Variants in CNTN4 observed in about 807,000 individuals in gnomAD.
CNTN4 encodes the protein contactin-4.
A neutral mutation model predicts 122.5 loss-of-function variants in CNTN4; 77 were observed. The observed-to-expected ratio is 0.63, with a 90% CI of 0.52 to 0.76. CNTN4 has a LOEUF of 0.76. Among genes scored for constraint, CNTN4 ranks in the 30% least tolerant of loss-of-function variants. CNTN4 has a pLI of 0.00. For synonymous variants in CNTN4, 512 were observed against 447.0 expected (o/e 1.15, Z -1.83); for missense variants, 1,256 against 1,259.1 (o/e 1.00, Z 0.04).
At chr3:2,844,443 G>A (rs1275476727) in intron 7 of CNTN4, among the ~76,000 whole-genome samples, 9 of 152,158 alleles carry the variant, frequency 5.9e-5, no homozygotes, top group Admixed American at 5.2e-4. Context: ...CTGCTTTGGG[G>A]TTTGCCTTCT....
chr3:2,704,665 C>G (rs1215054278), intron 4 of CNTN4, among the ~76,000 whole-genome samples: 1 of 152,018 alleles, frequency 6.6e-6, no homozygotes, highest in Non-Finnish European at 1.5e-5. Context: ...ATTCCCACTC[C>G]CATAAAATAT....
At chr3:2,616,135 G>A (rs1223362806) in intron 4 of CNTN4, among the ~76,000 whole-genome samples, 1 of 151,102 alleles carries the variant, frequency 6.6e-6, no homozygotes, top group Admixed American at 6.6e-5. Flanking sequence ...TCATCTAGCT[G>A]CCCTCCCCTA....
At chr3:2,466,129 C>T (rs1033713015) in intron 3 of CNTN4, among the ~76,000 whole-genome samples, 1 of 152,152 alleles carries the variant, frequency 6.6e-6, no homozygotes, top group African/African-American at 2.4e-5. Flanking sequence ...AATCTCGCTG[C>T]AATAATTACT....
At chr3:3,044,264 T>C (rs1700421313) in intron 23 of CNTN4, among the ~76,000 whole-genome samples, 1 of 152,218 alleles carries the variant, frequency 6.6e-6, no homozygotes, top group Non-Finnish European at 1.5e-5. Context: ...GGGTTATAAA[T>C]ATCTTGCAAC....
chr3:2,783,731 A>G (rs1302951428), intron 6 of CNTN4, among the ~76,000 whole-genome samples: 1 of 152,236 alleles, frequency 6.6e-6, no homozygotes, highest in African/African-American at 2.4e-5. Flanking sequence ...TTTGAACTCA[A>G]GACTATAGAA....
intron 2 of CNTN4, among the ~76,000 whole-genome samples, chr3:2,200,711 A>G (rs1014105221): frequency 6.6e-6 from 1 of 152,192 alleles, no homozygotes; most frequent in African/African-American, 2.4e-5. Flanking sequence ...TGATGCCTCA[A>G]TTTTACAGTG....
intron 13 of CNTN4, among the ~76,000 whole-genome samples, chr3:2,977,708 G>A (rs1473071061): frequency 6.6e-6 from 1 of 152,142 alleles, no homozygotes; most frequent in African/African-American, 2.4e-5. Context: ...ACAGCCCTGG[G>A]GGGTTTCCTC....
At chr3:2,986,220 AAC>A (rs1694564517) in intron 13 of CNTN4, among the ~76,000 whole-genome samples, 1 of 152,110 alleles carries the variant, frequency 6.6e-6, no homozygotes, top group Non-Finnish European at 1.5e-5. Flanking sequence ...CAGCCTCGCA[AAC>A]ACAATTTTAA....
At chr3:2,490,364 T>C (rs552513653) in intron 3 of CNTN4, among the ~76,000 whole-genome samples, 1 of 152,340 alleles carries the variant, frequency 6.6e-6, no homozygotes, top group Admixed American at 6.5e-5. Context: ...CTCAGCTGCC[T>C]ACCTAGGTTA....
intron 3 of CNTN4, among the ~76,000 whole-genome samples, chr3:2,388,289 G>A (rs558997559): frequency 1.3e-5 from 2 of 152,092 alleles, no homozygotes; most frequent in East Asian, 3.9e-4. Flanking sequence ...AAATGTTCTG[G>A]ATACAAAAAT....
intron 3 of CNTN4, among the ~76,000 whole-genome samples, chr3:2,476,243 A>G (rs939065698): frequency 6.6e-6 from 1 of 152,172 alleles, no homozygotes; most frequent in Admixed American, 6.5e-5. Context: ...GCACTTTCTG[A>G]TGAAACCAGA....
At chr3:2,206,169 A>G (rs2038333589) in intron 2 of CNTN4, among the ~76,000 whole-genome samples, 1 of 152,090 alleles carries the variant, frequency 6.6e-6, no homozygotes, top group Non-Finnish European at 1.5e-5. Context: ...ATTTTGAGGT[A>G]AAACGAGGAA....
At chr3:2,782,868 G>C (rs1242769081) in intron 6 of CNTN4, among the ~76,000 whole-genome samples, 1 of 152,162 alleles carries the variant, frequency 6.6e-6, no homozygotes, top group East Asian at 1.9e-4. Context: ...CATAATCTTA[G>C]GACCAATGAG....
intron 4 of CNTN4, among the ~76,000 whole-genome samples, chr3:2,578,516 C>T (rs1176505879): frequency 6.6e-6 from 1 of 152,114 alleles, no homozygotes; most frequent in East Asian, 1.9e-4. Flanking sequence ...CATTTTCCCC[C>T]AGAATAAACA....
chr3:2,206,589 A>G (rs954009187), intron 2 of CNTN4, among the ~76,000 whole-genome samples: 9 of 152,080 alleles, frequency 5.9e-5, no homozygotes, highest in African/African-American at 2.2e-4. Context: ...ACCAGGAATG[A>G]CTTTTGGAGT....
At chr3:2,997,303 C>T (rs1233589238) in intron 14 of CNTN4, among the ~76,000 whole-genome samples, 3 of 152,178 alleles carry the variant, frequency 2.0e-5, no homozygotes, top group Admixed American at 1.3e-4. Flanking sequence ...CAGAAGAAGA[C>T]GAGTTTGTGG....
At chr3:2,431,731 A>G (rs2048080232) in intron 3 of CNTN4, among the ~76,000 whole-genome samples, 1 of 152,216 alleles carries the variant, frequency 6.6e-6, no homozygotes, top group Non-Finnish European at 1.5e-5. Flanking sequence ...ATAAGTGTGC[A>G]AATTTATTAT....
chr3:2,224,130 G>C (rs1017777099), intron 2 of CNTN4, among the ~76,000 whole-genome samples: 2 of 152,096 alleles, frequency 1.3e-5, no homozygotes, highest in African/African-American at 4.8e-5. Context: ...TTTACAAAAG[G>C]ACAGCTTTTC....
At chr3:2,572,393 TAAAAAA>T (rs1208582018) in intron 4 of CNTN4, among the ~76,000 whole-genome samples, 2 of 151,752 alleles carry the variant, frequency 1.3e-5, no homozygotes, top group African/African-American at 4.8e-5. Context: ...CTCAAAAAAA[TAAAAAA>T]AGAAAAGAAA....
Sources: allele counts gnomAD v4.1 joint callset (sites outside exome capture counted in the v4.1 genomes callset), GRCh38; gene constraint gnomAD v4.1.1; transcripts MANE v1.5; gene names NCBI Gene and HGNC (gene_info 2026-07-23, HGNC 2026-07-21).